SRRM5: variants seen among roughly 807,000 people sequenced by gnomAD.
SRRM5 encodes serine/arginine repetitive matrix protein 5.
Under a neutral mutation model 1.3 loss-of-function variants are expected in SRRM5, and 1 was observed. That is an observed-to-expected ratio of 0.76 (90% CI 0.27 to 3.59). The LOEUF (loss-of-function observed/expected upper bound fraction) is 3.59. SRRM5 is among the 30% of genes most tolerant of loss of function. The pLI is 0.19. For missense variants in SRRM5, 875 were observed against 914.5 expected (o/e 0.96, Z 0.56); for synonymous variants, 275 against 320.2 (o/e 0.86, Z 1.51).
Position 43,613,383 on chromosome 19 carries a change from A to T in SRRM5, c.1262A>T (p.Lys421Met), listed in dbSNP as rs1343609313. The change falls in exon 1 of 1, where the codon AAG becomes ATG. Residue 421 changes from lysine (K) to methionine (M), a missense_variant. Physicochemically the swap from Lys to Met is moderately conservative, Grantham distance 95. Transcript: ENST00000417606. The part of the protein sequence containing the change: ...RDRSRSRSPY[K>M]ARDRSRSRSP... ...CGCAGCCGATCTAGAAGTCCCTACA[A>T]GGCGAGAGATCGCAGCCGATCTAGA... 1 of 1,549,616 alleles carries T rather than the reference A, an allele frequency of 6.5e-7. No individual in the cohort carries two copies.
At position 43,614,362 on chromosome 19, in the gene SRRM5, C is replaced by T. The variant is rs575730518; in HGVS notation, c.*93C>T. The T allele has an allele frequency of 1.2e-5, 18 of 1,537,586 alleles. No individual in the cohort carries two copies. The highest frequency in any genetic ancestry group is 4.5e-5 in the East Asian group (2 of 44,286). On this transcript the variant is annotated 3_prime_UTR_variant, in exon 1 of 1. Coordinates refer to ENST00000417606, the MANE Select transcript of SRRM5 (RefSeq NM_001145641.2). Reference sequence around the variant, plus strand: ...GCAGCAGCTGAGCAGCGTCCCTCCCCGGCCAGCTCTCCACAGCCACACCTC... The same window carrying T: ...GCAGCAGCTGAGCAGCGTCCCTCCCTGGCCAGCTCTCCACAGCCACACCTC...
In SRRM5 at chr19:43,612,773, A is replaced by G; in HGVS notation, c.652A>G (p.Lys218Glu). Reference sequence around the variant, plus strand: ...GCTGGCTGTAACTCCCAGTACAGCCAAGTGTCAAACCCCGACTGGAATTCC... The same window carrying G: ...GCTGGCTGTAACTCCCAGTACAGCCGAGTGTCAAACCCCGACTGGAATTCC... ...SELAVTPSTA[K>E]CQTPTGIPSK... The change falls in exon 1 of 1, where the codon AAG (lysine) becomes GAG (glutamate). Residue 218 changes from lysine to glutamate, a missense_variant. Coordinates refer to ENST00000417606, the MANE Select transcript of SRRM5 (RefSeq NM_001145641.2). The surrounding 1 kb of genome is among the most constrained non-coding windows in gnomAD (Gnocchi z 4.2). 1 of 1,551,650 alleles carries G rather than the reference A, an allele frequency of 6.4e-7. No homozygotes were observed. The highest frequency in any genetic ancestry group is 2.4e-5 in the East Asian group (1 of 40,910).
rs1414407659 is a variant in SRRM5 at position 43,613,443 on chromosome 19, G to C, written c.1322G>C (p.Arg441Thr). 3 of 1,545,010 alleles carry C rather than the reference G, an allele frequency of 1.9e-6. No individual in the cohort carries two copies. The highest frequency in any genetic ancestry group is 1.7e-6 in the Non-Finnish European group (2 of 1,144,220). Reference protein sequence around the residue: ...PNKARDCSRSRSPYKARDRSR... With the variant: ...PNKARDCSRSTSPYKARDRSR... The stretch of plus-strand genomic sequence containing the variant: ...AAGGCGAGAGATTGCAGCCGATCTA[G>C]AAGTCCCTACAAGGCGAGAGATCGC... Residue 441 changes from arginine (R) to threonine (T), a missense_variant, in exon 1 of 1, where the codon AGA becomes ACA. By Grantham distance (71) the Arg-to-Thr change is moderately conservative. Coordinates refer to ENST00000417606, the MANE Select transcript of SRRM5 (RefSeq NM_001145641.2).
In SRRM5 at chr19:43,614,291, C is replaced by T. The variant is rs763583981; in HGVS notation, c.*22C>T. 3.1e-6 allele frequency: 5 copies of T among 1,610,046 alleles called. No homozygotes were observed. Among genetic ancestry groups the T allele is most frequent in the South Asian group, 1.1e-5 (1 of 90,482 alleles). ...GTAGCCCCCAGTCTCAGCTGGCTCA[C>T]GGGTCTCTGTCATGACCGGGGGAGG... On this transcript the variant is annotated 3_prime_UTR_variant, in exon 1 of 1. Transcript: ENST00000417606.
Position 43,614,127 on chromosome 19 carries a change from G to A in SRRM5, c.2006G>A (p.Ser669Asn). ...TSSLSQNRTP[S>N]KTSSHSPSTF... ...AGTCTCAGTCAGAATAGAACCCCTAGCAAGACAAGCAGCCACTCCCCATCA... is the reference window on the plus strand; with the variant it reads ...AGTCTCAGTCAGAATAGAACCCCTAACAAGACAAGCAGCCACTCCCCATCA... Residue 669 changes from serine (S) to asparagine (N), a missense_variant, in exon 1 of 1, where the codon AGC (serine) becomes AAC (asparagine). Ser to Asn is a conservative substitution (Grantham distance 46). Coordinates refer to ENST00000417606, the MANE Select transcript of SRRM5 (RefSeq NM_001145641.2). 2 of 1,606,874 alleles carry A rather than the reference G, an allele frequency of 1.2e-6. No homozygotes were observed. Among genetic ancestry groups the A allele is most frequent in the Non-Finnish European group, 1.7e-6 (2 of 1,176,556 alleles).
In SRRM5 at chr19:43,612,512, A is replaced by G. The variant is rs1381873231; in HGVS notation, c.391A>G (p.Ser131Gly). ...GRTPGRRGSR[S>G]SKRSPSRAST... is the part of the protein sequence containing the mutation. ...GACACCTGGCAGAAGGGGAAGCCGC[A>G]GCTCCAAGAGGTCACCCAGCAGGGC... Residue 131 changes from serine (S) to glycine (G), a missense_variant, in exon 1 of 1, where the codon AGC becomes GGC. Coordinates refer to ENST00000417606, the MANE Select transcript of SRRM5 (RefSeq NM_001145641.2). The surrounding 1 kb of genome is among the most constrained non-coding windows in gnomAD (Gnocchi z 4.2). 1.9e-6 allele frequency: 3 copies of G among 1,551,466 alleles called. No individual in the cohort carries two copies. In the South Asian group the frequency reaches 3.6e-5, roughly 18 times the overall value.
In SRRM5 at chr19:43,613,852, GGAGA is replaced by G; in HGVS notation, c.1737_1740del (p.Arg579SerfsTer107). 6.4e-7 allele frequency: 1 copy of G among 1,551,444 alleles called. No homozygotes were observed. Among genetic ancestry groups the G allele is most frequent in the East Asian group, 2.4e-5 (1 of 40,916 alleles). ...GCAGACGATGGAGAAGCCCCAGCAAGGAGAGAGAGCGCAGACAATCTAGAAGCTC... is the reference window on the plus strand; with the variant it reads ...GCAGACGATGGAGAAGCCCCAGCAAGGAGAGCGCAGACAATCTAGAAGCTC... On this transcript the variant is annotated frameshift_variant, in exon 3 of 3. Coordinates refer to the SRRM5 transcript ENST00000607544. LOFTEE classifies it low-confidence loss of function (END_TRUNC).
rs774460116 is a variant in SRRM5 at position 43,614,031 on chromosome 19, A to G, written c.1910A>G (p.Lys637Arg). 2 of 1,551,946 alleles carry G rather than the reference A, an allele frequency of 1.3e-6. No individual in the cohort carries two copies. Among genetic ancestry groups the G allele is most frequent in the African/African-American group, 2.7e-5 (2 of 73,162 alleles). ...GNHSQSRTSS[K>R]ESDPSQSTVP... is the part of the protein sequence containing the mutation. ...CATAGCCAATCTAGAACCTCTAGCAAGGAGAGCGACCCCAGTCAATCTACA... is the reference window on the plus strand; with the variant it reads ...CATAGCCAATCTAGAACCTCTAGCAGGGAGAGCGACCCCAGTCAATCTACA... Residue 637 changes from lysine (K) to arginine (R), a missense_variant, in exon 1 of 1, where the codon AAG (lysine) becomes AGG (arginine). By Grantham distance (26) the Lys-to-Arg change is conservative. Transcript: ENST00000417606.
Position 43,613,293 on chromosome 19 carries a change from A to T in SRRM5, c.1172A>T (p.Gln391Leu). Reference sequence around the variant, plus strand: ...CCCAGGAAGGAGAGTGGTCGCAGTCAATCAGGAAGCCCCAACAAGCAGAGA... The same window carrying T: ...CCCAGGAAGGAGAGTGGTCGCAGTCTATCAGGAAGCCCCAACAAGCAGAGA... Reference protein sequence around the residue: ...SSPRKESGRSQSGSPNKQRDH... With the variant: ...SSPRKESGRSLSGSPNKQRDH... Residue 391 changes from glutamine (Q) to leucine (L), a missense_variant, in exon 1 of 1, where the codon CAA (glutamine) becomes CTA (leucine). Transcript: ENST00000417606. 1 of 1,551,574 alleles carries T rather than the reference A, an allele frequency of 6.4e-7. No homozygotes were observed. The highest frequency in any genetic ancestry group is 1.2e-5 in the South Asian group (1 of 84,052).
Position 43,612,674 on chromosome 19 carries a change from G to C in SRRM5, c.553G>C (p.Asp185His), listed in dbSNP as rs1489257085. 27 of 1,551,438 alleles carry C rather than the reference G, an allele frequency of 1.7e-5. No individual in the cohort carries two copies. Among genetic ancestry groups the C allele is most frequent in the Non-Finnish European group, 2.4e-5 (27 of 1,146,982 alleles). Reference protein sequence around the residue: ...RPRTSNRERSDSQPRNLSKKS... With the variant: ...RPRTSNRERSHSQPRNLSKKS... Reference sequence around the variant, plus strand: ...TAGAACCAGCAACAGGGAAAGGAGTGACAGCCAGCCTAGAAATCTGAGCAA... The same window carrying C: ...TAGAACCAGCAACAGGGAAAGGAGTCACAGCCAGCCTAGAAATCTGAGCAA... Residue 185 changes from aspartate (D) to histidine (H), a missense_variant, in exon 1 of 1, where the codon GAC becomes CAC. Transcript: ENST00000417606. The surrounding 1 kb of genome is among the most constrained non-coding windows in gnomAD (Gnocchi z 4.2).
rs1268862954 is a variant in SRRM5 at position 43,612,880 on chromosome 19, G to A, written c.759G>A (p.Arg253=). ...ACGGTCAGATGATCATCCCCAGTAG[G>A]GAAAAGAGTTACAGCCCCACTGAAA... is the stretch of plus-strand genomic sequence containing the variant. The part of the protein sequence containing the change: ...KSYGQMIIPS[R]EKSYSPTEMS... The change falls in exon 1 of 1, where the codon AGG becomes AGA. Residue 253 remains arginine (R), a synonymous_variant. Transcript: ENST00000417606. The surrounding 1 kb of genome is among the most constrained non-coding windows in gnomAD (Gnocchi z 4.2). 1 of 1,551,664 alleles carries A rather than the reference G, an allele frequency of 6.4e-7. No individual in the cohort carries two copies. Among genetic ancestry groups the A allele is most frequent in the East Asian group, 2.4e-5 (1 of 40,922 alleles).
chr19:43,614,242 T>A lies in SRRM5; in HGVS notation c.2121T>A (p.Ser707=), dbSNP rs1973348512. The A allele has an allele frequency of 3.7e-6, 6 of 1,614,164 alleles. No individual in the cohort carries two copies. The highest frequency in any genetic ancestry group is 5.1e-6 in the Non-Finnish European group (6 of 1,180,000). The change falls in exon 1 of 1, where the codon TCT becomes TCA. Residue 707 remains serine, a synonymous_variant. Transcript: ENST00000417606. The stretch of plus-strand genomic sequence containing the variant: ...AGGCCACCTTACCTGGGGAAAGGTC[T>A]TCATCATCTTCTTCCAAGCTGGCGT... ...TSKATLPGER[S]SSSSSKLA
rs1973305561 is a variant in SRRM5, at chr19:43,612,239, C to T, written c.118C>T (p.Pro40Ser). ...CTTGAAGTCCACCAAATCAGCAACA[C>T]CCAACAGATCCTTAGTGCCCACCAA... ...ASLKSTKSAT[P>S]NRSLVPTKPA... Residue 40 changes from proline (P) to serine (S), a missense_variant, in exon 1 of 1, where the codon CCC becomes TCC. Pro to Ser is a moderately conservative substitution (Grantham distance 74). Coordinates refer to ENST00000417606, the MANE Select transcript of SRRM5 (RefSeq NM_001145641.2). The surrounding 1 kb of genome is among the most constrained non-coding windows in gnomAD (Gnocchi z 4.2). 1.3e-6 allele frequency: 2 copies of T among 1,551,732 alleles called. No individual in the cohort carries two copies. Among genetic ancestry groups the T allele is most frequent in the African/African-American group, 1.4e-5 (1 of 73,172 alleles).
chr19:43,612,360 G>A lies in SRRM5; in HGVS notation c.239G>A (p.Ser80Asn), dbSNP rs1489977847. 6.4e-7 allele frequency: 1 copy of A among 1,551,712 alleles called. No individual in the cohort carries two copies. Among genetic ancestry groups the A allele is most frequent in the Non-Finnish European group, 8.7e-7 (1 of 1,146,998 alleles). Reference protein sequence around the residue: ...TKRAPSNRPSSRSRVRSKART... With the variant: ...TKRAPSNRPSNRSRVRSKART... ...AGAGCCCCTTCTAACCGGCCCAGCA[G>A]CAGGTCCCGAGTCCGCAGCAAAGCA... Residue 80 changes from serine (S) to asparagine (N), a missense_variant, in exon 1 of 1, where the codon AGC becomes AAC. Physicochemically the swap from Ser to Asn is conservative, Grantham distance 46. Coordinates refer to ENST00000417606, the MANE Select transcript of SRRM5 (RefSeq NM_001145641.2). This position sits in a 1 kb window ranked among gnomAD's most constrained non-coding sequence, Gnocchi z 4.2.
rs371417784 is a variant in SRRM5, at chr19:43,613,860, A to C, written c.1739A>C (p.Glu580Ala). 102 of 1,551,560 alleles carry C rather than the reference A, an allele frequency of 6.6e-5. No homozygotes were observed. The highest frequency in any genetic ancestry group is 5.1e-4 in the Admixed American group (26 of 50,996). The change falls in exon 1 of 1, where the codon GAG (glutamate) becomes GCG (alanine). Residue 580 changes from glutamate to alanine, a missense_variant. Physicochemically the swap from Glu to Ala is moderately radical, Grantham distance 107 (BLOSUM62 -1). Coordinates refer to ENST00000417606, the MANE Select transcript of SRRM5 (RefSeq NM_001145641.2). ...TGGAGAAGCCCCAGCAAGGAGAGAG[A>C]GCGCAGACAATCTAGAAGCTCCAGC... is the stretch of plus-strand genomic sequence containing the variant. ...RRWRSPSKER[E>A]RRQSRSSSEE...
chr19:43,614,094 G>A lies in SRRM5; in HGVS notation c.1973G>A (p.Arg658Lys). The A allele has an allele frequency of 6.4e-7, 1 of 1,574,650 alleles. No individual in the cohort carries two copies. Among genetic ancestry groups the A allele is most frequent in the South Asian group, 1.2e-5 (1 of 86,638 alleles). Residue 658 changes from arginine to lysine, a missense_variant, in exon 1 of 1, where the codon AGG becomes AAG. Physicochemically the swap from Arg to Lys is conservative, Grantham distance 26. Transcript: ENST00000417606. ...CCCGACTGGAAGAGATCCCCTACTA[G>A]GACAAGCAGTCTCAGTCAGAATAGA... ...RSPDWKRSPT[R>K]TSSLSQNRTP...
Position 43,613,745 on chromosome 19 carries a change from G to A in SRRM5, c.1624G>A (p.Glu542Lys). The change falls in exon 1 of 1, where the codon GAG becomes AAG. Residue 542 changes from glutamate to lysine, a missense_variant. Glu to Lys is a moderately conservative substitution (Grantham distance 56). Transcript: ENST00000417606. ...CAGACAATCTAGAAGCCCCAACAAGGAGAGAGATCGCAGCCAATCTAGAAG... is the reference window on the plus strand; with the variant it reads ...CAGACAATCTAGAAGCCCCAACAAGAAGAGAGATCGCAGCCAATCTAGAAG... ...QRRQSRSPNK[E>K]RDRSQSRSPS... 1 of 1,551,640 alleles carries A rather than the reference G, an allele frequency of 6.4e-7. No individual in the cohort carries two copies. The highest frequency in any genetic ancestry group is 1.7e-4 in the Middle Eastern group (1 of 5,992).
At position 43,612,320 on chromosome 19, in the gene SRRM5, T is replaced by C; in HGVS notation, c.199T>C (p.Ser67Pro). Residue 67 changes from serine (S) to proline (P), a missense_variant, in exon 1 of 1, where the codon TCG (serine) becomes CCG (proline). Coordinates refer to ENST00000417606, the MANE Select transcript of SRRM5 (RefSeq NM_001145641.2). This position sits in a 1 kb window ranked among gnomAD's most constrained non-coding sequence, Gnocchi z 4.2. ...MSPSSSKSTK[S>P]TSTKRAPSNR... ...CCCAAGCAGTTCCAAGTCCACCAAA[T>C]CGACCAGTACAAAAAGAGCCCCTTC... 6.4e-7 allele frequency: 1 copy of C among 1,551,296 alleles called. No homozygotes were observed. The highest frequency in any genetic ancestry group is 1.2e-5 in the South Asian group (1 of 84,028).
In SRRM5 at chr19:43,612,645, G is replaced by A. The variant is rs374749941; in HGVS notation, c.524G>A (p.Arg175Gln). The change falls in exon 1 of 1, where the codon CGG (arginine) becomes CAG (glutamine). Residue 175 changes from arginine to glutamine, a missense_variant. Arg to Gln is a conservative substitution (Grantham distance 43). Transcript: ENST00000417606. This position sits in a 1 kb window ranked among gnomAD's most constrained non-coding sequence, Gnocchi z 4.2. ...GGGAGCCGGGGAAAGAGTTACGGCC[G>A]GCCTAGAACCAGCAACAGGGAAAGG... The part of the protein sequence containing the change: ...QKGSRGKSYG[R>Q]PRTSNRERSD... 2.2e-5 allele frequency: 34 copies of A among 1,551,288 alleles called. No homozygotes were observed. The highest frequency in any genetic ancestry group is 4.9e-5 in the East Asian group (2 of 40,924).
Sources: allele counts gnomAD v4.1 joint callset, GRCh38; gene constraint gnomAD v4.1.1; non-coding constraint Gnocchi (gnomAD v3.1); transcripts MANE v1.5; gene names NCBI Gene and HGNC (gene_info 2026-07-23, HGNC 2026-07-21).